Variants in TGFBR3 observed in about 807,000 individuals in gnomAD.
TGFBR3 encodes the protein transforming growth factor beta receptor type 3.
TGFBR3 carries 46 observed loss-of-function variants against 87.9 expected under a neutral mutation model. That is an observed-to-expected ratio of 0.52 (90% CI 0.41 to 0.67). The LOEUF (loss-of-function observed/expected upper bound fraction) is 0.67, where lower values mean the gene tolerates loss of function less well. Ranked by LOEUF, TGFBR3 falls within the 30% of genes least tolerant of loss-of-function variation. The pLI is 0.00. For synonymous variants in TGFBR3, 381 were observed against 391.6 expected, an observed-to-expected ratio of 0.97 and a Z score of 0.32; for missense variants, 866 against 1,041.9, an observed-to-expected ratio of 0.83 and a Z score of 2.32.
In TGFBR3 at chr1:91,719,906, T is replaced by C. The variant is rs1672301089; in HGVS notation, c.1400A>G (p.Lys467Arg). The C allele has an allele frequency of 6.2e-7, 1 of 1,614,042 alleles. No homozygotes were observed. Among genetic ancestry groups the C allele is most frequent in the African/African-American group, 1.3e-5 (1 of 74,910 alleles). ...DNEKMIVAVE[K>R]DSFQASGYSG... Reference sequence around the variant, plus strand: ...AGCTGCACCGACCTGAAAAGAATCTTTTTCTACAGCCACGATCATCTTCTC... The same window carrying C: ...AGCTGCACCGACCTGAAAAGAATCTCTTTCTACAGCCACGATCATCTTCTC... Residue 467 changes from lysine (K) to arginine (R), a missense_variant, in exon 9 of 17, where the codon AAA (lysine) becomes AGA (arginine). Physicochemically the swap from Lys to Arg is conservative, Grantham distance 26. Coordinates refer to ENST00000212355, the MANE Select transcript of TGFBR3 (RefSeq NM_003243.5).
intron 7 of TGFBR3, among the ~76,000 whole-genome samples, chr1:91,723,080 A>G (rs942224748): frequency 2.6e-5 from 4 of 152,222 alleles, no homozygotes; most frequent in Admixed American, 1.3e-4. Context: ...TGCCAATTCT[A>G]CTAACTGAAT....
At chr1:91,889,674 T>C (rs957688226), upstream of TGFBR3, among the ~76,000 whole-genome samples, 1 of 152,028 alleles carries the variant, frequency 6.6e-6, no homozygotes, top group South Asian at 2.1e-4. Flanking sequence ...ACCTCTTTTC[T>C]TTCTTTCTTT....
chr1:91,730,242 C>T (rs1229942493), intron 5 of TGFBR3, among the ~76,000 whole-genome samples: 3 of 152,142 alleles, frequency 2.0e-5, no homozygotes, highest in Non-Finnish European at 4.4e-5. Context: ...TTCCTGTCCT[C>T]GTCTGTTTCC....
In TGFBR3 at chr1:91,683,730, TG is replaced by T; in HGVS notation, c.*8del. On this transcript the variant is annotated 3_prime_UTR_variant, in exon 17 of 17. Coordinates refer to ENST00000212355, the MANE Select transcript of TGFBR3 (RefSeq NM_003243.5). ...TGGGCTGGGTTGGGCCGGGTTGGGC[TG>T]GGTTGGGCTAGGCCGTGCTGCTGCT... 2 of 1,547,288 alleles carry T rather than the reference TG, an allele frequency of 1.3e-6. No individual in the cohort carries two copies. The highest frequency in any genetic ancestry group is 1.7e-6 in the Non-Finnish European group (2 of 1,151,310).
chr1:91,885,394 G>C (rs1265867263), intron 1 of TGFBR3, among the ~76,000 whole-genome samples: 1 of 151,612 alleles, frequency 6.6e-6, no homozygotes, highest in African/African-American at 2.4e-5. Context: ...TTGCGGCTCA[G>C]CCCGCAAGGC....
chr1:91,758,612 C>T lies in TGFBR3; in HGVS notation c.384+1G>A. Reference sequence around the variant, plus strand: ...AGTTTGGGGGAGGTTTAAGCACTTACCAAAAACAGTCTGGAGACCCCAGTG... The same window carrying T: ...AGTTTGGGGGAGGTTTAAGCACTTATCAAAAACAGTCTGGAGACCCCAGTG... On this transcript the variant is annotated splice_donor_variant, in intron 4 of 16. Transcript: ENST00000212355. LOFTEE classifies it high-confidence loss of function. The T allele has an allele frequency of 6.2e-7, 1 of 1,613,880 alleles. No individual in the cohort carries two copies. The highest frequency in any genetic ancestry group is 8.5e-7 in the Non-Finnish European group (1 of 1,179,832).
In TGFBR3 at chr1:91,712,199, A is replaced by G. The variant is rs769654335; in HGVS notation, c.2166+44T>C. ...GGGATTAAACTTTTCTGCCTCACCTAAAAATGCCAAAATAACCATCCGAAT... is the reference window on the plus strand; with the variant it reads ...GGGATTAAACTTTTCTGCCTCACCTGAAAATGCCAAAATAACCATCCGAAT... On this transcript the variant is annotated intron_variant, in intron 13 of 16. Coordinates refer to ENST00000212355, the MANE Select transcript of TGFBR3 (RefSeq NM_003243.5). 3.8e-6 allele frequency: 6 copies of G among 1,595,632 alleles called. No individual in the cohort carries two copies. The African/African-American group carries it at 5.4e-5, about 14-fold the overall frequency.
upstream of TGFBR3, among the ~76,000 whole-genome samples, chr1:91,888,681 A>G (rs191766458): frequency 3.9e-3 from 593 of 152,266 alleles, 1 homozygote; most frequent in Non-Finnish European, 7.0e-3. Context: ...TAGCCTGGAC[A>G]AGAGCAACAC....
chr1:91,898,797 C>T (rs1161537091), intron 2 of TGFBR3, among the ~76,000 whole-genome samples: 4 of 152,170 alleles, frequency 2.6e-5, no homozygotes, highest in Non-Finnish European at 4.4e-5. Flanking sequence ...AATATTACAG[C>T]CGGGCATCGT....
chr1:91,894,694 G>T (rs72952825), intron 2 of TGFBR3, among the ~76,000 whole-genome samples: 1 of 152,140 alleles, frequency 6.6e-6, no homozygotes. Context: ...AGTCACCTCC[G>T]CTGGCTTTTC....
chr1:91,729,508 G>A (rs1485034185), intron 6 of TGFBR3, among the ~76,000 whole-genome samples: 1 of 152,184 alleles, frequency 6.6e-6, no homozygotes, highest in African/African-American at 2.4e-5. Context: ...TTAACACCCA[G>A]AAGTTTGGAA....
chr1:91,828,399 A>C (rs1676724565), intron 2 of TGFBR3, among the ~76,000 whole-genome samples: 1 of 152,222 alleles, frequency 6.6e-6, no homozygotes, highest in Admixed American at 6.5e-5. Flanking sequence ...ACAGGAAGGA[A>C]ACATCAAATC....
At position 91,683,696 on chromosome 1, in the gene TGFBR3, G is replaced by A; in HGVS notation, c.*43C>T. The A allele has an allele frequency of 6.7e-7, 1 of 1,493,008 alleles. No homozygotes were observed. Among genetic ancestry groups the A allele is most frequent in the Non-Finnish European group, 9.0e-7 (1 of 1,109,256 alleles). 92.5% of individuals were successfully genotyped at this position (1,493,008 alleles called of 1,614,324 possible). A position where few individuals can be genotyped will look rare whatever the true frequency, so the allele number is the denominator to read the frequency against. ...TCCTGCCCTTGGCAGTAGCTGAGCT[G>A]AGCTGGGCTGGGCTGGGTTGGGCCG... On this transcript the variant is annotated 3_prime_UTR_variant, in exon 17 of 17. Coordinates refer to ENST00000212355, the MANE Select transcript of TGFBR3 (RefSeq NM_003243.5).
intron 2 of TGFBR3, among the ~76,000 whole-genome samples, chr1:91,853,069 A>T (rs1440899161): frequency 6.6e-6 from 1 of 151,596 alleles, no homozygotes; most frequent in Admixed American, 6.6e-5. Context: ...TGTGGGGGGA[A>T]AATGGCTTGA....
chr1:91,702,674 A>G (rs1571421126), intron 14 of TGFBR3, among the ~76,000 whole-genome samples: 1 of 152,144 alleles, frequency 6.6e-6, no homozygotes, highest in Non-Finnish European at 1.5e-5. Flanking sequence ...AACAAGATTC[A>G]CCATAAATTG....
chr1:91,694,627 C>T (rs1008915315), intron 16 of TGFBR3, among the ~76,000 whole-genome samples: 1 of 152,218 alleles, frequency 6.6e-6, no homozygotes, highest in Admixed American at 6.5e-5. Flanking sequence ...TCAGTACTTC[C>T]TTCCTCTTTA....
intron 5 of TGFBR3, among the ~76,000 whole-genome samples, chr1:91,733,648 C>T (rs549634387): frequency 6.6e-6 from 1 of 152,184 alleles, no homozygotes; most frequent in East Asian, 1.9e-4. Flanking sequence ...AGTGTTCACA[C>T]AATCAGCCAG....
At chr1:91,802,587 C>T (rs1675674771) in intron 2 of TGFBR3, among the ~76,000 whole-genome samples, 1 of 152,108 alleles carries the variant, frequency 6.6e-6, no homozygotes, top group Non-Finnish European at 1.5e-5. Context: ...TCTCGAACTC[C>T]TGGCCTCATG....
In TGFBR3 at chr1:91,682,289, T is replaced by G. The variant is rs891963323; in HGVS notation, c.*1450A>C. 3 of 453,918 alleles carry G rather than the reference T, an allele frequency of 6.6e-6. No individual in the cohort carries two copies. Among genetic ancestry groups the G allele is most frequent in the African/African-American group, 6.0e-5 (3 of 49,986 alleles). The allele number at this position is 453,918 out of a possible 1,614,324, so 28.1% of individuals were successfully genotyped here. A position where few individuals can be genotyped will look rare whatever the true frequency, so the allele number is the denominator to read the frequency against. On this transcript the variant is annotated 3_prime_UTR_variant, in exon 17 of 17. Transcript: ENST00000212355. ...AATATTTTGGGGGTAGAATCTATCTTGTTCTACTTATGGAATTCTAAGTTG... is the reference window on the plus strand; with the variant it reads ...AATATTTTGGGGGTAGAATCTATCTGGTTCTACTTATGGAATTCTAAGTTG...
Sources: gnomAD v4.1 joint callset for allele counts (sites outside exome capture counted in the v4.1 genomes callset) on GRCh38, gnomAD v4.1.1 for gene constraint, MANE v1.5 for transcripts, NCBI Gene and HGNC (gene_info 2026-07-23, HGNC 2026-07-21) for gene names.